Variants in PARP4 observed in about 807,000 individuals in gnomAD.
The protein encoded by PARP4 is poly(ADP-ribose) polymerase family member 4.
A neutral mutation model predicts 187.7 loss-of-function variants in PARP4; 120 were observed. The ratio of observed to expected loss-of-function variants is 0.64; its 90% confidence interval spans 0.55 to 0.74. The LOEUF is 0.74. Ranked by LOEUF, PARP4 falls within the 30% of genes least tolerant of loss-of-function variation. The pLI is 0.00. For synonymous variants in PARP4, 654 were observed against 740.9 expected, an observed-to-expected ratio of 0.88 and a Z score of 1.90; for missense variants, 1,836 against 2,070.5, an observed-to-expected ratio of 0.89 and a Z score of 2.20.
chr13:24,421,066 A>G lies in PARP4; in HGVS notation c.*53T>C, dbSNP rs538448385. 1,150 of 1,364,018 alleles carry G rather than the reference A, an allele frequency of 8.4e-4. 1 individual carries two copies. Among genetic ancestry groups the G allele is most frequent in the Non-Finnish European group, 1.1e-3 (1,069 of 1,011,592 alleles). The allele number at this position is 1,364,018 out of a possible 1,614,324, so 84.5% of individuals were successfully genotyped here. A position where few individuals can be genotyped will look rare whatever the true frequency, so the allele number is the denominator to read the frequency against. ...CATTATAAGTATCTATTATCATTTG[A>G]TTATTTTCTACATAGAAGCATGCAA... On this transcript the variant is annotated 3_prime_UTR_variant, in exon 34 of 34. Transcript: ENST00000381989.
chr13:24,422,885 C>T (rs1869821559), intron 33 of PARP4, among the ~76,000 whole-genome samples: 1 of 152,098 alleles, frequency 6.6e-6, no homozygotes, highest in African/African-American at 2.4e-5. Flanking sequence ...GGAATTACAG[C>T]TGTGAGTCAC....
chr13:24,472,762 T>C (rs756925103), intron 15 of PARP4, among the ~76,000 whole-genome samples: 1 of 152,170 alleles, frequency 6.6e-6, no homozygotes, highest in Non-Finnish European at 1.5e-5. Context: ...CCGCATTAGA[T>C]AACCCTCCTG....
At chr13:24,471,855 A>C (rs1333410582) in intron 15 of PARP4, among the ~76,000 whole-genome samples, 1 of 152,142 alleles carries the variant, frequency 6.6e-6, no homozygotes, top group Non-Finnish European at 1.5e-5. Flanking sequence ...AGTCCTTTAT[A>C]TTTATTAGAT....
At position 24,510,839 on chromosome 13, in the gene PARP4, G is replaced by C. The variant is rs560713737; in HGVS notation, c.-2+1867C>G. On this transcript the variant is annotated intron_variant, in intron 1 of 33. Transcript: ENST00000381989. ...GACAGGGTCTGGCTCTGTCTCCCAA[G>C]CTGGAGTGCAGTGGTGTGGTCACTG... Among the ~76,000 whole-genome samples the C allele has an allele frequency of 5.8e-4, 89 of 152,234 alleles. 3 individuals are homozygous for C. In the South Asian group the frequency reaches 0.018, roughly 31 times the overall value.
chr13:24,486,558 T>C (rs540333352), intron 10 of PARP4, among the ~76,000 whole-genome samples: 55 of 152,380 alleles, frequency 3.6e-4, no homozygotes, highest in Admixed American at 2.0e-3. Flanking sequence ...TTATACATAG[T>C]ATTATCCCAA....
intron 2 of PARP4, among the ~76,000 whole-genome samples, 193 bp from the exon 3 acceptor site, chr13:24,502,027 G>A (rs2275663): frequency 0.11 from 17,245 of 152,054 alleles, 1,195 homozygotes; most frequent in East Asian, 0.3. Flanking sequence ...GTTTTTAAAG[G>A]ATATGGCTAC....
chr13:24,490,680 T>C lies in PARP4; in HGVS notation c.1202A>G (p.Gln401Arg). The C allele has an allele frequency of 6.2e-7, 1 of 1,613,418 alleles. No individual in the cohort carries two copies. The change falls in exon 10 of 34, where the codon CAG becomes CGG. Residue 401 changes from glutamine (Q) to arginine (R), a missense_variant. This residue lies in a region of PARP4 where 1,147 missense variants were observed against 1,214.2 expected (regional missense o/e 0.94). Transcript: ENST00000381989. The part of the protein sequence containing the change: ...EFLRVRKEVL[Q>R]NHHSKSPVDV... ...CCTTTATGCTTACCTGTGATGATTC[T>C]GCAAAACCTCTTTTCTAACCCTGAG... is the stretch of plus-strand genomic sequence containing the variant.
rs1539096 is a variant in PARP4 at position 24,501,721 on chromosome 13, C to T, written c.246G>A (p.Arg82=). The change falls in exon 3 of 34, where the codon AGG becomes AGA. Residue 82 remains arginine, a synonymous_variant. Transcript: ENST00000381989. ...ANPDFIWKSI[R]EKRLLDVKNY... ...TCTTTACATCCAAGAGTCTCTTTTC[C>T]CTGATAGATTTCCATATAAAATCTG... 0.56 allele frequency: 894,940 copies of T among 1,609,988 alleles called. 250,093 individuals carry two copies. Among genetic ancestry groups the T allele is most frequent in the South Asian group, 0.65 (58,965 of 91,012 alleles).
chr13:24,455,618 T>C (rs1158713096), intron 21 of PARP4, among the ~76,000 whole-genome samples: 1 of 114,196 alleles, frequency 8.8e-6, no homozygotes, highest in Non-Finnish European at 2.0e-5. Flanking sequence ...AGTTTCCTTT[T>C]TTTTTTTTTT....
At chr13:24,500,011 C>A (rs1869182705) in intron 4 of PARP4, among the ~76,000 whole-genome samples, 1 of 150,714 alleles carries the variant, frequency 6.6e-6, no homozygotes, top group Non-Finnish European at 1.5e-5. Flanking sequence ...CTAAAGGCTG[C>A]TCAGGAAAAT....
At chr13:24,506,872 C>G (rs77347282) in intron 1 of PARP4, among the ~76,000 whole-genome samples, 16,712 of 152,252 alleles carry the variant, frequency 0.11, 990 homozygotes, top group African/African-American at 0.12. Flanking sequence ...CGCGCTCCTG[C>G]GGGACGCTCG....
chr13:24,482,719 T>A (rs1006197507), intron 12 of PARP4, among the ~76,000 whole-genome samples: 1 of 152,226 alleles, frequency 6.6e-6, no homozygotes, highest in African/African-American at 2.4e-5. Context: ...CCTCTTATAC[T>A]CATTGGGAAA....
At chr13:24,500,509 A>G (rs1217495448) in intron 3 of PARP4, 127 bp from the exon 4 acceptor site, 2 of 525,386 alleles carry the variant, frequency 3.8e-6, no homozygotes, top group Non-Finnish European at 6.6e-6. Flanking sequence ...TTGGTGATCA[A>G]AGGATAACCC....
intron 8 of PARP4, among the ~76,000 whole-genome samples, chr13:24,493,163 G>A (rs1173318179): frequency 6.6e-6 from 1 of 152,182 alleles, no homozygotes; most frequent in Non-Finnish European, 1.5e-5. Flanking sequence ...TAATCAAGAA[G>A]GGAAGAACAT....
At chr13:24,424,558 A>C (rs920188328) in intron 33 of PARP4, among the ~76,000 whole-genome samples, 4 of 152,174 alleles carry the variant, frequency 2.6e-5, no homozygotes, top group African/African-American at 7.2e-5. Context: ...TCTACCTTCC[A>C]AAATAACAAA....
rs1009413765 is a variant in PARP4 at position 24,467,351 on chromosome 13, A to G, written c.2133+1673T>C. Among the ~76,000 whole-genome samples the G allele has an allele frequency of 2.0e-5, 3 of 152,234 alleles. 1 individual carries two copies. In the South Asian group the frequency reaches 6.2e-4, roughly 32 times the overall value. On this transcript the variant is annotated intron_variant, in intron 17 of 33. Coordinates refer to ENST00000381989, the MANE Select transcript of PARP4 (RefSeq NM_006437.4). Reference sequence around the variant, plus strand: ...GTATATTAAGAGTTATAAGACAAATATGTCCAGGTTGCCATGGGAAAATGA... The same window carrying G: ...GTATATTAAGAGTTATAAGACAAATGTGTCCAGGTTGCCATGGGAAAATGA...
In PARP4 at chr13:24,477,711, T is replaced by C. The variant is rs773202493; in HGVS notation, c.1779A>G (p.Ser593=). Reference sequence around the variant, plus strand: ...AGAAAATTGTCCTACCTTCAACCTTTGAAAAATTTGAAAACTCAGGTCTGT... The same window carrying C: ...AGAAAATTGTCCTACCTTCAACCTTCGAAAAATTTGAAAACTCAGGTCTGT... ...EEYRPEFSNF[S]KVEDYQLPDA... The change falls in exon 14 of 34, where the codon TCA becomes TCG. Residue 593 remains serine, a synonymous_variant. Coordinates refer to ENST00000381989, the MANE Select transcript of PARP4 (RefSeq NM_006437.4). The C allele has an allele frequency of 3.2e-6, 5 of 1,574,480 alleles. No homozygotes were observed. Among genetic ancestry groups the C allele is most frequent in the East Asian group, 2.3e-5 (1 of 44,048 alleles).
At chr13:24,457,247 C>T (rs772429862) in intron 20 of PARP4, among the ~76,000 whole-genome samples, 5 of 152,142 alleles carry the variant, frequency 3.3e-5, no homozygotes, top group South Asian at 2.1e-4. Flanking sequence ...AAGGCAAAGG[C>T]ATGTGCTAGA....
chr13:24,471,991 GCT>G (rs1872745203), intron 15 of PARP4, among the ~76,000 whole-genome samples: 1 of 152,142 alleles, frequency 6.6e-6, no homozygotes, highest in East Asian at 1.9e-4. Flanking sequence ...AGAATTCAAA[GCT>G]AAGCCTTACA....
Sources: gnomAD v4.1 joint callset for allele counts (sites outside exome capture counted in the v4.1 genomes callset) on GRCh38, gnomAD v4.1.1 for gene constraint, gnomAD v4.1.1 regional missense constraint, MANE v1.5 for transcripts, NCBI Gene and HGNC (gene_info 2026-07-23, HGNC 2026-07-21) for gene names.